Variants in FBXL20 observed in about 807,000 individuals in gnomAD.
FBXL20 encodes F-box/LRR-repeat protein 20.
A neutral mutation model predicts 64.0 loss-of-function variants in FBXL20; 11 were observed. The observed-to-expected ratio is 0.17, with a 90% CI of 0.11 to 0.28. The LOEUF (loss-of-function observed/expected upper bound fraction) is 0.28. Among genes scored for constraint, FBXL20 ranks in the 10% least tolerant of loss-of-function variants. The pLI, the probability that FBXL20 is intolerant of heterozygous loss-of-function variation, is 1.00. For missense variants in FBXL20, 303 were observed against 526.2 expected (o/e 0.58, Z 4.15); for synonymous variants, 184 against 189.0 (o/e 0.97, Z 0.22).
Position 39,302,395 on chromosome 17 carries a change from A to G in FBXL20, c.159+1190T>C, listed in dbSNP as rs1435979182. Among the ~76,000 whole-genome samples, 25 of 137,902 alleles carry G rather than the reference A, an allele frequency of 1.8e-4. No homozygotes were observed. The Admixed American group carries it at 1.9e-3, about 10-fold the overall frequency. 90.5% of individuals were successfully genotyped at this position (137,902 alleles called of 152,430 possible). A position where few individuals can be genotyped will look rare whatever the true frequency, so the allele number is the denominator to read the frequency against. On this transcript the variant is annotated intron_variant, in intron 3 of 14. Coordinates refer to ENST00000264658, the MANE Select transcript of FBXL20 (RefSeq NM_032875.3). Reference sequence around the variant, plus strand: ...TTGGCTTTTTTTTTTTTTTTTTGAGACGGAGTCTCGTTCTGTCGCCCAGGC... The same window carrying G: ...TTGGCTTTTTTTTTTTTTTTTTGAGGCGGAGTCTCGTTCTGTCGCCCAGGC...
chr17:39,345,680 A>G (rs1385504253), intron 1 of FBXL20, among the ~76,000 whole-genome samples: 1 of 152,028 alleles, frequency 6.6e-6, no homozygotes, highest in Non-Finnish European at 1.5e-5. Context: ...AGCTGGGATT[A>G]TGGGCGCCTG....
At position 39,256,028 on chromosome 17, in the gene FBXL20, T is replaced by C. The variant is rs1337901423; in HGVS notation, c.*5432A>G. The C allele has an allele frequency of 6.6e-6, 1 of 152,100 alleles. No individual in the cohort carries two copies. The highest frequency in any genetic ancestry group is 1.5e-5 in the Non-Finnish European group (1 of 68,024). The allele number at this position is 152,100 out of a possible 1,614,324, so 9.4% of individuals were successfully genotyped here. ...CTTCCAATCTTACATTTAAAATTTA[T>C]GATAGAAACTGGCCAGGTGCGGTGG... On this transcript the variant is annotated 3_prime_UTR_variant, in exon 15 of 15. Coordinates refer to ENST00000264658, the MANE Select transcript of FBXL20 (RefSeq NM_032875.3).
At chr17:39,316,996 A>G (rs2047299311) in intron 2 of FBXL20, among the ~76,000 whole-genome samples, 1 of 152,246 alleles carries the variant, frequency 6.6e-6, no homozygotes, top group Admixed American at 6.5e-5. Context: ...CTCATTTAAA[A>G]GAAAATGAAG....
At chr17:39,355,614 G>A (rs2047728481) in intron 1 of FBXL20, among the ~76,000 whole-genome samples, 1 of 152,034 alleles carries the variant, frequency 6.6e-6, no homozygotes, top group Admixed American at 6.6e-5. Context: ...CCAGCACTTT[G>A]GGAGGCCAAG....
chr17:39,313,558 A>G (rs1185669615), intron 2 of FBXL20, among the ~76,000 whole-genome samples: 1 of 151,970 alleles, frequency 6.6e-6, no homozygotes, highest in East Asian at 1.9e-4. Flanking sequence ...AGAAACCAAA[A>G]TAAAAGAATT....
At chr17:39,369,004 G>T (rs1242375036) in intron 1 of FBXL20, among the ~76,000 whole-genome samples, 1 of 151,914 alleles carries the variant, frequency 6.6e-6, no homozygotes, top group East Asian at 1.9e-4. Flanking sequence ...ATGTATTGTG[G>T]TTTCTTCTTT....
chr17:39,341,536 A>G (rs988442776), intron 2 of FBXL20, among the ~76,000 whole-genome samples: 2 of 152,230 alleles, frequency 1.3e-5, no homozygotes, highest in Non-Finnish European at 2.9e-5. Flanking sequence ...TACAGGCCGA[A>G]TTAAGGAGAG....
At chr17:39,375,533 G>A (rs1461835788) in intron 1 of FBXL20, among the ~76,000 whole-genome samples, 1 of 152,154 alleles carries the variant, frequency 6.6e-6, no homozygotes, top group Non-Finnish European at 1.5e-5. Context: ...GTAGCTAGAA[G>A]ACTTGAAATG....
chr17:39,285,067 A>C (rs2046977528), intron 7 of FBXL20, among the ~76,000 whole-genome samples: 1 of 151,934 alleles, frequency 6.6e-6, no homozygotes, highest in Admixed American at 6.6e-5. Flanking sequence ...CACCATGCCC[A>C]ACTAATTTTT....
chr17:39,386,839 G>T (rs78215102), intron 1 of FBXL20, among the ~76,000 whole-genome samples: 1,608 of 152,206 alleles, frequency 0.011, 27 homozygotes, highest in African/African-American at 0.037. Flanking sequence ...CTACTTCCCA[G>T]ACTGATATTG....
At chr17:39,394,351 C>A (rs1216099242) in intron 1 of FBXL20, among the ~76,000 whole-genome samples, 1 of 149,886 alleles carries the variant, frequency 6.7e-6, no homozygotes, top group Admixed American at 6.7e-5. Context: ...CGGCTCACTG[C>A]AAGCTCCACC....
chr17:39,336,090 A>AG (rs1186422980), intron 2 of FBXL20, among the ~76,000 whole-genome samples: 4 of 149,768 alleles, frequency 2.7e-5, no homozygotes, highest in Non-Finnish European at 5.9e-5. Flanking sequence ...ATTCCAGCCT[A>AG]GGCAACAGAG....
chr17:39,363,177 A>AT (rs1306281831), intron 1 of FBXL20, among the ~76,000 whole-genome samples: 1 of 150,636 alleles, frequency 6.6e-6, no homozygotes, highest in African/African-American at 2.4e-5. Flanking sequence ...CACCCAGCTA[A>AT]TTTTTTTTGT....
At chr17:39,398,933 A>G (rs2048213957) in intron 1 of FBXL20, among the ~76,000 whole-genome samples, 1 of 152,054 alleles carries the variant, frequency 6.6e-6, no homozygotes, top group African/African-American at 2.4e-5. Context: ...TCGGCCTCCC[A>G]AAGTGCTGGG....
chr17:39,374,966 TAGTAG>T (rs1240929647), intron 1 of FBXL20, among the ~76,000 whole-genome samples: 1 of 152,134 alleles, frequency 6.6e-6, no homozygotes, highest in African/African-American at 2.4e-5. Flanking sequence ...TTCGTATTTT[TAGTAG>T]AGACAAGGTT....
chr17:39,401,988 G>C, upstream of FBXL20: 1 of 503,528 alleles, frequency 2.0e-6, no homozygotes, highest in Non-Finnish European at 3.1e-6. Context: ...ACCGCACTCT[G>C]CGCGGGGGCC....
chr17:39,316,728 G>A (rs1419986142), intron 2 of FBXL20, among the ~76,000 whole-genome samples: 1 of 152,262 alleles, frequency 6.6e-6, no homozygotes, highest in East Asian at 1.9e-4. Context: ...GCTCACGCCT[G>A]TAATCCAAGC....
intron 1 of FBXL20, among the ~76,000 whole-genome samples, chr17:39,396,421 C>G (rs1386712049): frequency 1.3e-5 from 2 of 151,592 alleles, no homozygotes; most frequent in African/African-American, 4.9e-5. Context: ...TATGGCAAAA[C>G]CCCATCTCTA....
rs199499064 is a variant in FBXL20, at chr17:39,264,414, T to C, written c.991-27A>G. 11 of 1,603,866 alleles carry C rather than the reference T, an allele frequency of 6.9e-6. No homozygotes were observed. The East Asian group carries it at 2.5e-4, about 36-fold the overall frequency. The stretch of plus-strand genomic sequence containing the variant: ...TGCAGCCAAATAGAGCAAGGAAGGA[T>C]GTTGAAATATCTTCTGGCATTCCTC... On this transcript the variant is annotated intron_variant, in intron 13 of 14. Transcript: ENST00000264658.
Sources: gnomAD v4.1 joint callset for allele counts (sites outside exome capture counted in the v4.1 genomes callset) on GRCh38, gnomAD v4.1.1 for gene constraint, MANE v1.5 for transcripts, NCBI Gene and HGNC (gene_info 2026-07-23, HGNC 2026-07-21) for gene names.